Variants in FALEC observed in about 807,000 individuals in gnomAD.
The protein encoded by FALEC is focally amplified lncRNA regulator of ECM1.
At chr1:150,516,228 A>G (rs1315448975) in intron 1 of FALEC, among the ~76,000 whole-genome samples, 1 of 149,468 alleles carries the variant, frequency 6.7e-6, no homozygotes, top group East Asian at 2.0e-4. Context: ...AGCCTGGGCG[A>G]GAGAGGAGAC....
chr1:150,517,467 C>G (rs1021975556), intron 1 of FALEC, among the ~76,000 whole-genome samples: 1 of 151,966 alleles, frequency 6.6e-6, no homozygotes, highest in East Asian at 1.9e-4. Context: ...TTGTGTACCC[C>G]CAAATGCATT....
the FALEC span, among the ~76,000 whole-genome samples, chr1:150,525,229 G>C: frequency 6.8e-4 from 104 of 152,288 alleles, no homozygotes; most frequent in Non-Finnish European, 1.2e-3. Context: ...GGAGCTTGCA[G>C]TGAGCTGAGA....
chr1:150,534,211 G>T, the FALEC span, among the ~76,000 whole-genome samples: 2 of 152,164 alleles, frequency 1.3e-5, no homozygotes, highest in African/African-American at 4.8e-5. Flanking sequence ...GGTGCAGGAG[G>T]GCGGCACCTC....
chr1:150,522,965 A>G (rs1670673345), downstream of FALEC, among the ~76,000 whole-genome samples: 1 of 38,870 alleles, frequency 2.6e-5, no homozygotes, highest in Non-Finnish European at 5.0e-5. Context: ...ATATATATAT[A>G]TATATATATA....
At chr1:150,518,786 G>A (rs1159091922), downstream of FALEC, among the ~76,000 whole-genome samples, 1 of 152,128 alleles carries the variant, frequency 6.6e-6, no homozygotes, top group East Asian at 1.9e-4. Flanking sequence ...GCCGGGCGCT[G>A]TGGCTCACGC....
chr1:150,533,510 A>G, the FALEC span, among the ~76,000 whole-genome samples: 3 of 132,104 alleles, frequency 2.3e-5, no homozygotes, highest in Non-Finnish European at 3.0e-5. Flanking sequence ...ATCTCTGCTC[A>G]CTGCAACCTC....
the FALEC span, among the ~76,000 whole-genome samples, chr1:150,529,037 A>AAAAAAAAAAAAAG: frequency 6.6e-6 from 1 of 151,382 alleles, no homozygotes; most frequent in Non-Finnish European, 1.5e-5. Context: ...AAAAAAAAAA[A>AAAAAAAAAAAAAG]AATCAAAGGA....
chr1:150,532,511 G>T, the FALEC span, among the ~76,000 whole-genome samples: 1 of 152,192 alleles, frequency 6.6e-6, no homozygotes, highest in Non-Finnish European at 1.5e-5. Flanking sequence ...AAAAGAGCAG[G>T]CCGGCCGGCA....
chr1:150,533,932 G>A, the FALEC span, among the ~76,000 whole-genome samples: 5 of 152,236 alleles, frequency 3.3e-5, no homozygotes, highest in Admixed American at 6.5e-5. Context: ...AGAAGGAGAC[G>A]TGTCGTGGAT....
downstream of FALEC, among the ~76,000 whole-genome samples, chr1:150,522,904 C>CATATATACATAT (rs1378545478): frequency 5.5e-5 from 4 of 72,102 alleles, 1 homozygote; most frequent in Non-Finnish European, 9.9e-5. Flanking sequence ...TATATATATA[C>CATATATACATAT]ATATATATAC....
At chr1:150,534,831 ACT>A in the FALEC span, among the ~76,000 whole-genome samples, 60 of 125,496 alleles carry the variant, frequency 4.8e-4, no homozygotes, top group Middle Eastern at 0.012. Flanking sequence ...ACAGAGCAAG[ACT>A]CTGTCTCAAA....
downstream of FALEC, among the ~76,000 whole-genome samples, chr1:150,522,332 G>A (rs778410745): frequency 6.6e-6 from 1 of 151,880 alleles, no homozygotes; most frequent in Non-Finnish European, 1.5e-5. Context: ...TTAGAAGTTG[G>A]TAGTGGTTGG....
chr1:150,522,888 C>CGT (rs1670665796), downstream of FALEC, among the ~76,000 whole-genome samples: 4 of 47,556 alleles, frequency 8.4e-5, no homozygotes, highest in African/African-American at 1.7e-4. Flanking sequence ...TATATATATA[C>CGT]GTATATATAT....
chr1:150,529,045 G>T, the FALEC span, among the ~76,000 whole-genome samples: 4 of 66,342 alleles, frequency 6.0e-5, no homozygotes, highest in East Asian at 1.1e-3. Flanking sequence ...AAAAATCAAA[G>T]GATCTAGAGC....
the FALEC span, among the ~76,000 whole-genome samples, chr1:150,534,646 A>G: frequency 1.3e-5 from 2 of 152,192 alleles, no homozygotes; most frequent in African/African-American, 4.8e-5. Context: ...AATCGAGACC[A>G]TCCTGGCCAA....
At chr1:150,532,278 G>T in the FALEC span, among the ~76,000 whole-genome samples, 1 of 152,192 alleles carries the variant, frequency 6.6e-6, no homozygotes, top group Non-Finnish European at 1.5e-5. Flanking sequence ...AGGGAGCAGA[G>T]GCTGGACCGT....
chr1:150,535,674 A>C, the FALEC span, among the ~76,000 whole-genome samples: 1 of 152,206 alleles, frequency 6.6e-6, no homozygotes, highest in Non-Finnish European at 1.5e-5. Flanking sequence ...CAGAACCCTG[A>C]CGCTTGGCAT....
chr1:150,519,602 A>G (rs959658801), downstream of FALEC, among the ~76,000 whole-genome samples: 5 of 152,066 alleles, frequency 3.3e-5, no homozygotes, highest in African/African-American at 1.2e-4. Context: ...CACGCCTGTA[A>G]TCCCAGCACT....
At chr1:150,522,915 A>ATATATATATACG (rs1491346714), downstream of FALEC, among the ~76,000 whole-genome samples, 105 of 91,548 alleles carry the variant, frequency 1.1e-3, 4 homozygotes, top group African/African-American at 3.3e-3. Flanking sequence ...ATATATATAC[A>ATATATATATACG]TATATATATA....
Sources: allele counts gnomAD v4.1 joint callset (sites outside exome capture counted in the v4.1 genomes callset), GRCh38; gene constraint gnomAD v4.1.1; transcripts MANE v1.5; gene names NCBI Gene and HGNC (gene_info 2026-07-23, HGNC 2026-07-21).